MB21D2: variants seen among roughly 807,000 people sequenced by gnomAD.
The protein encoded by MB21D2 is Mab-21 domain containing 2.
In MB21D2, 9 loss-of-function variants were observed where a neutral mutation model predicts 33.3. The ratio of observed to expected loss-of-function variants is 0.27; its 90% CI spans 0.16 to 0.47. MB21D2 has a LOEUF of 0.47. Among genes scored for constraint, MB21D2 ranks in the 20% least tolerant of loss-of-function variants. The probability of loss-of-function intolerance (pLI) is 0.99; values close to 1 mark genes in which losing one functional copy is unlikely to be tolerated. For missense variants in MB21D2, 540 were observed against 624.6 expected, an observed-to-expected ratio of 0.86 and a Z score of 1.44; for synonymous variants, 241 against 236.3, an observed-to-expected ratio of 1.02 and a Z score of -0.18.
intron 1 of MB21D2, among the ~76,000 whole-genome samples, chr3:192,900,095 T>G: frequency 6.6e-6 from 1 of 151,446 alleles, no homozygotes; most frequent in Non-Finnish European, 1.5e-5. Context: ...CCATCCTGGC[T>G]AACACAGTGA....
intron 1 of MB21D2, among the ~76,000 whole-genome samples, chr3:192,882,619 G>T (rs1293580108): frequency 6.6e-6 from 1 of 152,102 alleles, no homozygotes; most frequent in Non-Finnish European, 1.5e-5. Context: ...CAGACTTTAT[G>T]AAGTTACATG....
At position 192,845,330 on chromosome 3, in the gene MB21D2, G is replaced by GC. The variant is rs150380478; in HGVS notation, c.212-45681dup. On this transcript the variant is annotated intron_variant, in intron 1 of 1. Coordinates refer to ENST00000392452, the MANE Select transcript of MB21D2 (RefSeq NM_178496.4). The stretch of plus-strand genomic sequence containing the variant: ...GGACAATGTACCATTCCTAAGTCAG[G>GC]CAACTGCCTTTCGCATCCCCAAAGG... 2.4e-4 allele frequency among the ~76,000 whole-genome samples: 37 copies of GC among 152,330 alleles called. No individual in the cohort carries two copies. The East Asian group carries it at 6.6e-3, about 27-fold the overall frequency.
At chr3:192,862,700 CT>C (rs540185260) in intron 1 of MB21D2, among the ~76,000 whole-genome samples, 24 of 152,180 alleles carry the variant, frequency 1.6e-4, no homozygotes, top group Non-Finnish European at 2.9e-4. Context: ...GACTCATACA[CT>C]TAAGAGAAAA....
intron 1 of MB21D2, among the ~76,000 whole-genome samples, chr3:192,877,218 G>A (rs1201640142): frequency 6.6e-6 from 1 of 152,158 alleles, no homozygotes; most frequent in African/African-American, 2.4e-5. Flanking sequence ...TTAAAAGATA[G>A]AAGAAATTCC....
intron 1 of MB21D2, among the ~76,000 whole-genome samples, chr3:192,899,361 T>C (rs1441628694): frequency 6.6e-6 from 1 of 152,106 alleles, no homozygotes; most frequent in Non-Finnish European, 1.5e-5. Context: ...AAACCCCGTC[T>C]CTACTAAAAA....
chr3:192,804,949 G>T (rs35966556), intron 1 of MB21D2, among the ~76,000 whole-genome samples: 2,822 of 152,294 alleles, frequency 0.019, 64 homozygotes, highest in South Asian at 0.13. Flanking sequence ...AGTTGGAAAA[G>T]ATTTTAGGCC....
At chr3:192,900,101 A>T (rs1003695761) in intron 1 of MB21D2, among the ~76,000 whole-genome samples, 1 of 151,372 alleles carries the variant, frequency 6.6e-6, no homozygotes, top group African/African-American at 2.4e-5. Context: ...TGGCTAACAC[A>T]GTGAAACCCC....
chr3:192,834,392 A>C (rs1393180746), intron 1 of MB21D2, among the ~76,000 whole-genome samples: 1 of 149,756 alleles, frequency 6.7e-6, no homozygotes, highest in Non-Finnish European at 1.5e-5. Flanking sequence ...GGACATGAGG[A>C]CTGAGGAAGT....
chr3:192,907,075 T>C (rs1714230801), intron 1 of MB21D2, among the ~76,000 whole-genome samples: 1 of 152,118 alleles, frequency 6.6e-6, no homozygotes, highest in African/African-American at 2.4e-5. Flanking sequence ...TTCTGTAGAG[T>C]GAATTCATGA....
chr3:192,887,689 AC>A (rs1458447292), intron 1 of MB21D2, among the ~76,000 whole-genome samples: 5 of 152,148 alleles, frequency 3.3e-5, no homozygotes, highest in African/African-American at 1.2e-4. Flanking sequence ...GCTTAGCCCA[AC>A]AAAAAATATT....
chr3:192,840,183 G>C, intron 1 of MB21D2, among the ~76,000 whole-genome samples: 1 of 152,224 alleles, frequency 6.6e-6, no homozygotes, highest in East Asian at 1.9e-4. Context: ...TCATGAGAGG[G>C]AACACAAAAA....
intron 1 of MB21D2, among the ~76,000 whole-genome samples, chr3:192,840,793 T>G (rs547037145): frequency 6.6e-6 from 1 of 152,206 alleles, no homozygotes; most frequent in Admixed American, 6.5e-5. Flanking sequence ...GAGGTTTTAG[T>G]TGGTTAAGAC....
intron 1 of MB21D2, among the ~76,000 whole-genome samples, chr3:192,893,118 A>G (rs1483966200): frequency 6.6e-6 from 1 of 152,116 alleles, no homozygotes; most frequent in Non-Finnish European, 1.5e-5. Flanking sequence ...TTGCACCACC[A>G]AAAGCAGCAG....
At chr3:192,882,078 G>A (rs1713608248) in intron 1 of MB21D2, among the ~76,000 whole-genome samples, 1 of 151,882 alleles carries the variant, frequency 6.6e-6, no homozygotes, top group South Asian at 2.1e-4. Context: ...GTCTCATTCA[G>A]TTATGTATGT....
At position 192,896,926 on chromosome 3, in the gene MB21D2, C is replaced by T. The variant is rs150769844; in HGVS notation, c.211+20704G>A. Among the ~76,000 whole-genome samples, 17 of 152,158 alleles carry T rather than the reference C, an allele frequency of 1.1e-4. No individual in the cohort carries two copies. The East Asian group carries it at 2.9e-3, about 26-fold the overall frequency. On this transcript the variant is annotated intron_variant, in intron 1 of 1. Coordinates refer to ENST00000392452, the MANE Select transcript of MB21D2 (RefSeq NM_178496.4). ...CAGAGCTGCCTCCAGACACAACCTG[C>T]GGAAGAAACGGCAGGCGAGAAAGTG...
At chr3:192,838,897 T>C (rs191597332) in intron 1 of MB21D2, among the ~76,000 whole-genome samples, 2 of 152,318 alleles carry the variant, frequency 1.3e-5, no homozygotes, top group Admixed American at 1.3e-4. Flanking sequence ...TATGCCTTTT[T>C]TGAAGTCAAA....
chr3:192,840,334 A>G (rs1467096531), intron 1 of MB21D2, among the ~76,000 whole-genome samples: 2 of 152,136 alleles, frequency 1.3e-5, no homozygotes, highest in African/African-American at 4.8e-5. Flanking sequence ...AAAATGAAAA[A>G]GAAAATCAAA....
chr3:192,831,078 A>C (rs1409775252), intron 1 of MB21D2, among the ~76,000 whole-genome samples: 1 of 152,198 alleles, frequency 6.6e-6, no homozygotes, highest in Non-Finnish European at 1.5e-5. Flanking sequence ...TGGCAAATCA[A>C]ATAGGTAAAC....
At chr3:192,917,479 A>G in intron 1 of MB21D2, 151 bp downstream of exon 1, 4 of 696,726 alleles carry the variant, frequency 5.7e-6, no homozygotes, top group Non-Finnish European at 2.4e-6. Flanking sequence ...GAGAAAGAAG[A>G]GAGAGGCGGA....
Sources: gnomAD v4.1 joint callset for allele counts (sites outside exome capture counted in the v4.1 genomes callset) on GRCh38, gnomAD v4.1.1 for gene constraint, MANE v1.5 for transcripts, NCBI Gene and HGNC (gene_info 2026-07-23, HGNC 2026-07-21) for gene names.